CTNNAL1: variants seen among roughly 807,000 people sequenced by gnomAD.
CTNNAL1 encodes catenin alpha like 1.
Under a neutral mutation model 93.6 loss-of-function variants are expected in CTNNAL1, and 69 were observed. The observed-to-expected ratio is 0.74, with a 90% CI of 0.61 to 0.90. The LOEUF is 0.90. CTNNAL1 is among the 40% of genes least tolerant of loss of function. CTNNAL1 has a pLI of 0.00. For missense variants in CTNNAL1, 836 were observed against 862.0 expected, an observed-to-expected ratio of 0.97 and a Z score of 0.38; for synonymous variants, 286 against 305.4, an observed-to-expected ratio of 0.94 and a Z score of 0.66.
intron 11 of CTNNAL1, among the ~76,000 whole-genome samples, chr9:108,956,582 A>G (rs1401461491): frequency 1.3e-5 from 2 of 152,242 alleles, no homozygotes; most frequent in African/African-American, 2.4e-5. Context: ...ATATTCAGCT[A>G]TAATAGAATA....
intron 8 of CTNNAL1, 22 bp from the exon 9 acceptor site, chr9:108,972,855 G>GT: frequency 2.6e-6 from 2 of 758,188 alleles, no homozygotes; most frequent in East Asian, 5.3e-5. Context: ...TGTGTGGGTG[G>GT]GGGGGTGGGA....
At chr9:108,986,289 G>C (rs912630965) in intron 4 of CTNNAL1, among the ~76,000 whole-genome samples, 1 of 147,874 alleles carries the variant, frequency 6.8e-6, no homozygotes, top group Non-Finnish European at 1.5e-5. Context: ...TTGGTTTTTT[G>C]TCCTTGCGAT....
At chr9:109,001,502 G>T (rs1826827022) in intron 1 of CTNNAL1, among the ~76,000 whole-genome samples, 1 of 152,130 alleles carries the variant, frequency 6.6e-6, no homozygotes, top group African/African-American at 2.4e-5. Context: ...AAATAATGGA[G>T]TGCTTCTAAG....
At chr9:108,949,316 G>A (rs1023552767) in intron 14 of CTNNAL1, among the ~76,000 whole-genome samples, 1 of 152,082 alleles carries the variant, frequency 6.6e-6, no homozygotes, top group Admixed American at 6.6e-5. Context: ...AGTGTCCATG[G>A]GATACTCTAC....
At chr9:109,011,890 A>G (rs180869628) in intron 1 of CTNNAL1, among the ~76,000 whole-genome samples, 1 of 152,260 alleles carries the variant, frequency 6.6e-6, no homozygotes. Flanking sequence ...TATTTAAAAA[A>G]TGGATAAAAT....
intron 17 of CTNNAL1, 39 bp downstream of exon 17, chr9:108,943,658 CAGATAA>C (rs1830312318): frequency 6.0e-6 from 9 of 1,509,928 alleles, no homozygotes; most frequent in Non-Finnish European, 8.1e-6. Context: ...GGGCTTTAAC[CAGATAA>C]AGATAGATGT....
At chr9:108,950,654 T>C in intron 14 of CTNNAL1, 1 of 1,530,448 alleles carries the variant, frequency 6.5e-7, no homozygotes, top group Non-Finnish European at 8.8e-7. Flanking sequence ...GTCTGCTGCC[T>C]CACCTATCCC....
intron 8 of CTNNAL1, 35 bp from the exon 9 acceptor site, chr9:108,972,868 G>GGGGCCCCCCCCCCCGGC: frequency 9.2e-7 from 1 of 1,092,788 alleles, no homozygotes; most frequent in Non-Finnish European, 1.2e-6. Flanking sequence ...GGGTGGGAGG[G>GGGGCCCCCCCCCCCGGC]TGGAGAAGGA....
intron 11 of CTNNAL1, among the ~76,000 whole-genome samples, chr9:108,961,763 T>C (rs1274880754): frequency 6.6e-6 from 1 of 152,206 alleles, no homozygotes; most frequent in African/African-American, 2.4e-5. Context: ...AAAGGGCAGG[T>C]AATGTGCCCA....
At chr9:109,007,305 G>A (rs554771802) in intron 1 of CTNNAL1, among the ~76,000 whole-genome samples, 1 of 152,072 alleles carries the variant, frequency 6.6e-6, no homozygotes, top group African/African-American at 2.4e-5. Context: ...CAGAGAGGGC[G>A]CCTTATCTAC....
intron 4 of CTNNAL1, among the ~76,000 whole-genome samples, chr9:108,990,365 T>C (rs1235819080): frequency 6.6e-6 from 1 of 152,174 alleles, no homozygotes; most frequent in East Asian, 1.9e-4. Flanking sequence ...CAAGATACTA[T>C]AAGAATACAT....
intron 11 of CTNNAL1, 110 bp from the exon 12 acceptor site, chr9:108,955,937 A>G (rs1465983968): frequency 4.7e-6 from 3 of 644,090 alleles, no homozygotes; most frequent in Non-Finnish European, 7.6e-6. Context: ...TTAGTACATT[A>G]GTTTTGATAA....
intron 2 of CTNNAL1, among the ~76,000 whole-genome samples, chr9:108,998,091 C>T (rs920926354): frequency 2.6e-5 from 4 of 152,250 alleles, no homozygotes; most frequent in Admixed American, 2.0e-4. Flanking sequence ...TGTAATGTTC[C>T]TTCCTTAGCA....
rs1169931138 is a variant in CTNNAL1, at chr9:108,952,499, G to T, written c.1630-5C>A. On this transcript the variant is annotated splice_polypyrimidine_tract_variant and splice_region_variant and intron_variant, in intron 12 of 18. Transcript: ENST00000325551. ...TTTCAGGTTTGCATTATTCTTCTGT[G>T]ACAATAAAAAGATTAAGATTATCTT... The T allele has an allele frequency of 6.2e-7, 1 of 1,613,928 alleles. No homozygotes were observed. Among genetic ancestry groups the T allele is most frequent in the South Asian group, 1.1e-5 (1 of 91,006 alleles).
intron 1 of CTNNAL1, among the ~76,000 whole-genome samples, chr9:109,001,417 G>T (rs954447965): frequency 7.9e-5 from 12 of 152,150 alleles, no homozygotes; most frequent in African/African-American, 2.4e-4. Flanking sequence ...CCCCTCAAGA[G>T]GGAGAGCCTC....
chr9:108,970,426 C>A lies in CTNNAL1; in HGVS notation c.1416G>T (p.Glu472Asp). ...PLEITCIHAE[E>D]TFQVTGQQII... ...CCTGTTGGCCAGTCACCTGAAATGT[C>A]TCCTCTGCATGTATACAGGTTATTT... The change falls in exon 10 of 19, where the codon GAG becomes GAT. Residue 472 changes from glutamate to aspartate, a missense_variant. By Grantham distance (45) the Glu-to-Asp change is conservative (BLOSUM62 2). Transcript: ENST00000325551. 6.2e-7 allele frequency: 1 copy of A among 1,612,488 alleles called. No individual in the cohort carries two copies. The highest frequency in any genetic ancestry group is 8.5e-7 in the Non-Finnish European group (1 of 1,179,404).
intron 11 of CTNNAL1, 145 bp downstream of exon 11, chr9:108,965,233 A>C: frequency 1.6e-6 from 1 of 608,754 alleles, no homozygotes; most frequent in South Asian, 3.7e-5. Context: ...TATTTTTGTA[A>C]TTTTTTTGTG....
intron 1 of CTNNAL1, among the ~76,000 whole-genome samples, chr9:109,010,746 C>T (rs1235941365): frequency 6.6e-6 from 1 of 152,156 alleles, no homozygotes; most frequent in Non-Finnish European, 1.5e-5. Context: ...CAGGACTTTT[C>T]ACTTGGAGAG....
chr9:108,945,620 C>T (rs1830377809), intron 15 of CTNNAL1, among the ~76,000 whole-genome samples: 1 of 121,728 alleles, frequency 8.2e-6, no homozygotes, highest in Non-Finnish European at 1.7e-5. Flanking sequence ...TGCCACCATG[C>T]CCCGCTAGTT....
Sources: allele counts gnomAD v4.1 joint callset (sites outside exome capture counted in the v4.1 genomes callset), GRCh38; gene constraint gnomAD v4.1.1; transcripts MANE v1.5; gene names NCBI Gene and HGNC (gene_info 2026-07-23, HGNC 2026-07-21).